TLL1: variants seen among roughly 807,000 people sequenced by gnomAD.
The protein encoded by TLL1 is tolloid-like protein 1.
TLL1 carries 49 observed loss-of-function variants against 128.2 expected under a neutral mutation model. The observed-to-expected ratio is 0.38, with a 90% confidence interval of 0.30 to 0.48. The LOEUF is 0.48. Ranked by LOEUF, TLL1 falls within the 20% of genes least tolerant of loss-of-function variation. The pLI is 0.96. For synonymous variants in TLL1, 454 were observed against 418.8 expected (o/e 1.08, Z -1.03); for missense variants, 1,123 against 1,242.0 (o/e 0.90, Z 1.44).
In TLL1 at chr4:166,003,457, T is replaced by C; in HGVS notation, c.699T>C (p.Asp233=). 1 of 1,614,044 alleles carries C rather than the reference T, an allele frequency of 6.2e-7. No individual in the cohort carries two copies. ...CAATCTCTATCGGCAAGAACTGTGA[T>C]AAATTTGGGATTGTTGTTCATGAAT... ...PQAISIGKNC[D]KFGIVVHELG... Residue 233 remains aspartate (D), a synonymous_variant, in exon 6 of 21, where the codon GAT becomes GAC. Coordinates refer to ENST00000061240, the MANE Select transcript of TLL1 (RefSeq NM_012464.5).
At chr4:165,953,542 G>A (rs1254029583) in intron 1 of TLL1, among the ~76,000 whole-genome samples, 1 of 144,366 alleles carries the variant, frequency 6.9e-6, no homozygotes, top group African/African-American at 2.6e-5. Context: ...GATGTTAACT[G>A]CAGTGGTATT....
chr4:166,044,643 A>G (rs1425132246), intron 12 of TLL1, among the ~76,000 whole-genome samples: 1 of 151,852 alleles, frequency 6.6e-6, no homozygotes, highest in African/African-American at 2.4e-5. Flanking sequence ...AATTTAATGG[A>G]CTAATAGGTT....
chr4:166,016,865 A>G (rs1205285873), intron 8 of TLL1, among the ~76,000 whole-genome samples: 4 of 151,950 alleles, frequency 2.6e-5, no homozygotes, highest in Admixed American at 1.3e-4. Context: ...CTCTGTATAT[A>G]TATCTTTTAG....
intron 18 of TLL1, among the ~76,000 whole-genome samples, chr4:166,080,808 G>A (rs138317057): frequency 1.3e-3 from 201 of 152,150 alleles, no homozygotes; most frequent in African/African-American, 4.6e-3. Flanking sequence ...TAGGGTGGAG[G>A]CTGGGATTTA....
rs759280172 is a variant in TLL1 at position 165,989,481 on chromosome 4, A to T, written c.270A>T (p.Gly90=). The change falls in exon 2 of 21, where the codon GGA becomes GGT. Residue 90 remains glycine, a synonymous_variant. Coordinates refer to ENST00000061240, the MANE Select transcript of TLL1 (RefSeq NM_012464.5). ...CGCAGAACCCCTTTGGAAACCTTGG[A>T]CATACCACAGGTATGGTTGATTGTT... ...DLTQNPFGNL[G]HTTGGLGDHA... 6 of 1,609,756 alleles carry T rather than the reference A, an allele frequency of 3.7e-6. No individual in the cohort carries two copies. In the African/African-American group the frequency reaches 4.0e-5, roughly 11 times the overall value.
At chr4:165,950,698 G>A (rs1461996644) in intron 1 of TLL1, among the ~76,000 whole-genome samples, 1 of 151,956 alleles carries the variant, frequency 6.6e-6, no homozygotes, top group Non-Finnish European at 1.5e-5. Flanking sequence ...TCAAAGGAAG[G>A]GAGGAAATAT....
Position 165,935,796 on chromosome 4 carries a change from CT to C in TLL1, c.170-53583del, listed in dbSNP as rs1733735109. ...GTTCTTCTTCAATCTCTTTCTTTTC[CT>C]TATAATCTATCTGAGGGAGAATTTG... is the stretch of plus-strand genomic sequence containing the variant. On this transcript the variant is annotated intron_variant, in intron 1 of 20. Transcript: ENST00000061240. Among the ~76,000 whole-genome samples the C allele has an allele frequency of 2.0e-5, 3 of 152,100 alleles. No individual in the cohort carries two copies. In the South Asian group the frequency reaches 6.2e-4, roughly 32 times the overall value.
chr4:166,089,182 GAAATA>G (rs1741650619), intron 18 of TLL1, among the ~76,000 whole-genome samples: 1 of 152,024 alleles, frequency 6.6e-6, no homozygotes, highest in African/African-American at 2.4e-5. Context: ...TTTTCCTCTT[GAAATA>G]ACATTATATT....
chr4:166,097,104 C>A (rs1014161432), intron 19 of TLL1, among the ~76,000 whole-genome samples: 11 of 151,984 alleles, frequency 7.2e-5, no homozygotes, highest in African/African-American at 2.4e-4. Context: ...GATGTGAGTA[C>A]TATGGATGAT....
intron 1 of TLL1, among the ~76,000 whole-genome samples, chr4:165,916,952 C>T (rs1330320806): frequency 1.3e-5 from 2 of 152,106 alleles, no homozygotes; most frequent in Admixed American, 1.3e-4. Context: ...GCTATCTTCT[C>T]ATGCCCATTT....
chr4:165,913,419 G>A (rs1335690101), intron 1 of TLL1, among the ~76,000 whole-genome samples: 1 of 152,134 alleles, frequency 6.6e-6, no homozygotes. Context: ...TTGAAATACG[G>A]TTTAATTAGA....
At chr4:165,939,157 T>G (rs1362089271) in intron 1 of TLL1, among the ~76,000 whole-genome samples, 1 of 152,090 alleles carries the variant, frequency 6.6e-6, no homozygotes, top group African/African-American at 2.4e-5. Context: ...CGTAGAGTGA[T>G]TGAATAACTA....
At chr4:166,068,148 G>A (rs1207715858) in intron 16 of TLL1, among the ~76,000 whole-genome samples, 3 of 151,756 alleles carry the variant, frequency 2.0e-5, no homozygotes, top group African/African-American at 4.8e-5. Flanking sequence ...TTCTGGATGA[G>A]TGATTAGATC....
At chr4:166,046,539 T>C (rs184702293) in intron 12 of TLL1, among the ~76,000 whole-genome samples, 1 of 152,300 alleles carries the variant, frequency 6.6e-6, no homozygotes, top group Admixed American at 6.5e-5. Flanking sequence ...TTACTAAAAT[T>C]TTGGAAGCCT....
intron 1 of TLL1, among the ~76,000 whole-genome samples, chr4:165,949,719 C>T (rs1221160806): frequency 2.6e-5 from 4 of 152,042 alleles, no homozygotes; most frequent in African/African-American, 9.7e-5. Context: ...TCTCATGGTA[C>T]TTATTCACTA....
intron 9 of TLL1, among the ~76,000 whole-genome samples, chr4:166,032,535 G>A (rs747975161): frequency 6.6e-6 from 1 of 152,084 alleles, no homozygotes; most frequent in Non-Finnish European, 1.5e-5. Context: ...TGAGGGCATA[G>A]AAGACTTCTG....
intron 1 of TLL1, among the ~76,000 whole-genome samples, chr4:165,962,061 A>C (rs1042338262): frequency 5.3e-5 from 8 of 152,102 alleles, no homozygotes; most frequent in African/African-American, 1.9e-4. Context: ...CAATAGAAAC[A>C]AAAATTAACA....
rs746482717 is a variant in TLL1 at position 166,100,841 on chromosome 4, A to G, written c.3007A>G (p.Ile1003Val). Residue 1003 changes from isoleucine to valine, a missense_variant, in exon 21 of 21, where the codon ATA (isoleucine) becomes GTA (valine). Transcript: ENST00000061240. Reference sequence around the variant, plus strand: ...GGGATTTCATATAAGATACAAAAGCATAAGATATCCAGATACCACACATAC... The same window carrying G: ...GGGATTTCATATAAGATACAAAAGCGTAAGATATCCAGATACCACACATAC... ...KKGFHIRYKS[I>V]RYPDTTHTKK is the part of the protein sequence containing the mutation. 5 of 1,612,856 alleles carry G rather than the reference A, an allele frequency of 3.1e-6. No individual in the cohort carries two copies. Among genetic ancestry groups the G allele is most frequent in the African/African-American group, 2.7e-5 (2 of 74,880 alleles).
At chr4:166,018,456 GACTTAATTAA>G (rs1738055974) in intron 8 of TLL1, among the ~76,000 whole-genome samples, 1 of 151,980 alleles carries the variant, frequency 6.6e-6, no homozygotes, top group African/African-American at 2.4e-5. Flanking sequence ...TGACAAGTGG[GACTTAATTAA>G]ACTAAAGGGC....
Sources: allele counts gnomAD v4.1 joint callset (sites outside exome capture counted in the v4.1 genomes callset), GRCh38; gene constraint gnomAD v4.1.1; transcripts MANE v1.5; gene names NCBI Gene and HGNC (gene_info 2026-07-23, HGNC 2026-07-21).